The following ACYP2 variants were observed in gnomAD, a reference collection of about 807,000 sequenced individuals.
ACYP2 encodes acylphosphatase-2.
ACYP2 carries 12 observed loss-of-function variants against 11.2 expected under a neutral mutation model. That is an observed-to-expected ratio of 1.08 (90% CI 0.69 to 1.74). The LOEUF (loss-of-function observed/expected upper bound fraction) is 1.74, where lower values mean the gene tolerates loss of function less well. Ranked by LOEUF, ACYP2 falls within the 40% of genes most tolerant of loss-of-function variation. The pLI, the probability that ACYP2 is intolerant of heterozygous loss-of-function variation, is 0.00. For synonymous variants in ACYP2, 43 were observed against 32.2 expected (o/e 1.33, Z -1.13); for missense variants, 134 against 101.9 (o/e 1.31, Z -1.35).
rs949739435 is a variant in ACYP2, at chr2:53,971,250, G to T, written c.-108G>T. ...AGGCCGAATTCCAAGCTATTGTCCT[G>T]CTTCGCCGGGGGTCGCGCACTCCAA... is the stretch of plus-strand genomic sequence containing the variant. On this transcript the variant is annotated 5_prime_UTR_variant, in exon 1 of 7. Transcript: ENST00000607452. 2.0e-4 allele frequency: 31 copies of T among 154,762 alleles called. No homozygotes were observed. Among genetic ancestry groups the T allele is most frequent in the South Asian group, 1.8e-3 (9 of 4,956 alleles). The allele number at this position is 154,762 out of a possible 1,614,324, so 9.6% of individuals were successfully genotyped here. A position where few individuals can be genotyped will look rare whatever the true frequency, so the allele number is the denominator to read the frequency against.
chr2:53,993,527 A>G (rs924435871), intron 2 of ACYP2, among the ~76,000 whole-genome samples: 2 of 151,410 alleles, frequency 1.3e-5, no homozygotes, highest in African/African-American at 4.9e-5. Flanking sequence ...GCGAAACCCC[A>G]TCTCTACTAA....
At chr2:54,281,778 C>T (rs1380336670) in intron 6 of ACYP2, among the ~76,000 whole-genome samples, 1 of 152,148 alleles carries the variant, frequency 6.6e-6, no homozygotes, top group Non-Finnish European at 1.5e-5. Flanking sequence ...CAGATTGTAG[C>T]AACATAGATC....
At chr2:54,007,972 C>A (rs1673167064) in intron 2 of ACYP2, among the ~76,000 whole-genome samples, 1 of 152,128 alleles carries the variant, frequency 6.6e-6, no homozygotes, top group Non-Finnish European at 1.5e-5. Flanking sequence ...AAATTCTTCC[C>A]AAAGTTAGCT....
chr2:54,181,163 C>A (rs146272967), intron 6 of ACYP2, among the ~76,000 whole-genome samples: 1 of 152,168 alleles, frequency 6.6e-6, no homozygotes, highest in Admixed American at 6.6e-5. Context: ...AAATTACCCA[C>A]TCTCATACCA....
At chr2:54,265,857 G>C (rs959077441) in intron 6 of ACYP2, among the ~76,000 whole-genome samples, 1 of 152,170 alleles carries the variant, frequency 6.6e-6, no homozygotes, top group Non-Finnish European at 1.5e-5. Context: ...TCTAAAGAGC[G>C]AAGCTTAGCA....
At chr2:54,029,772 G>A in intron 2 of ACYP2, 1 of 593,618 alleles carries the variant, frequency 1.7e-6, no homozygotes, top group Non-Finnish European at 3.2e-6. Flanking sequence ...AACATTGTAG[G>A]CTCTTCCAGT....
intron 4 of ACYP2, among the ~76,000 whole-genome samples, chr2:54,122,405 T>C (rs1680212856): frequency 6.6e-6 from 1 of 152,180 alleles, no homozygotes; most frequent in Non-Finnish European, 1.5e-5. Flanking sequence ...GCTGGAGTCT[T>C]TTATCACCAA....
chr2:54,155,265 CT>C (rs1682376858), intron 6 of ACYP2, among the ~76,000 whole-genome samples: 1 of 151,690 alleles, frequency 6.6e-6, no homozygotes, highest in Non-Finnish European at 1.5e-5. Flanking sequence ...ATTGATTTTT[CT>C]TCTATTGTTT....
At chr2:54,179,989 G>A (rs189354435) in intron 6 of ACYP2, among the ~76,000 whole-genome samples, 3 of 152,204 alleles carry the variant, frequency 2.0e-5, no homozygotes, top group Admixed American at 1.3e-4. Flanking sequence ...TCGGCCTCTG[G>A]AACTTCTGAC....
chr2:54,069,209 G>A (rs926464843), intron 4 of ACYP2, among the ~76,000 whole-genome samples: 3 of 152,134 alleles, frequency 2.0e-5, no homozygotes, highest in African/African-American at 7.2e-5. Context: ...GGGATTACAG[G>A]TGTCAGCCAC....
In ACYP2 at chr2:54,041,679, C is replaced by T. The variant is rs114556739; in HGVS notation, c.63-9279C>T. Among the ~76,000 whole-genome samples, 814 of 152,272 alleles carry T rather than the reference C, an allele frequency of 5.3e-3. 8 individuals carry two copies. The highest frequency in any genetic ancestry group is 0.018 in the African/African-American group (730 of 41,548). ...TTTATTCAAGTGAGTATCTCAGTGT[C>T]AGAGGCGGCAAGGGAGCTGAGGGTA... On this transcript the variant is annotated intron_variant, in intron 2 of 6. Transcript: ENST00000607452.
At chr2:54,006,291 G>A (rs1170989479) in intron 2 of ACYP2, among the ~76,000 whole-genome samples, 1 of 152,104 alleles carries the variant, frequency 6.6e-6, no homozygotes, top group Non-Finnish European at 1.5e-5. Context: ...GGGATTACAG[G>A]GTCCTGCTAC....
At chr2:54,288,067 A>C (rs975806744) in intron 6 of ACYP2, among the ~76,000 whole-genome samples, 2 of 151,926 alleles carry the variant, frequency 1.3e-5, no homozygotes, top group Non-Finnish European at 2.9e-5. Context: ...TGTAGCCACA[A>C]TTTAGAGAGG....
chr2:54,186,261 CAA>C (rs978176151), intron 6 of ACYP2, among the ~76,000 whole-genome samples: 3 of 151,898 alleles, frequency 2.0e-5, no homozygotes, highest in Non-Finnish European at 2.9e-5. Context: ...TTTAGAAAAA[CAA>C]GAGGAGAAAA....
intron 6 of ACYP2, among the ~76,000 whole-genome samples, chr2:54,139,208 A>C (rs1017879086): frequency 6.6e-6 from 1 of 152,200 alleles, no homozygotes; most frequent in African/African-American, 2.4e-5. Flanking sequence ...CCAGGGCCCA[A>C]GTAATTCTCA....
chr2:54,195,836 C>T (rs1193991910), intron 6 of ACYP2, among the ~76,000 whole-genome samples: 14 of 88,558 alleles, frequency 1.6e-4, no homozygotes, highest in African/African-American at 4.6e-4. Flanking sequence ...TTTGTTCCAT[C>T]GCCTAGGCTA....
chr2:54,235,627 G>T (rs1354633318), intron 6 of ACYP2, among the ~76,000 whole-genome samples: 1 of 152,192 alleles, frequency 6.6e-6, no homozygotes, highest in Non-Finnish European at 1.5e-5. Context: ...TGGGATTACA[G>T]GCGTGAGCCA....
chr2:54,280,664 A>T (rs950278594), intron 6 of ACYP2, among the ~76,000 whole-genome samples: 4 of 152,200 alleles, frequency 2.6e-5, no homozygotes, highest in African/African-American at 4.8e-5. Context: ...AAGATGGCAA[A>T]ACAATATATG....
chr2:54,025,691 ACAT>A (rs1238010329), intron 2 of ACYP2, among the ~76,000 whole-genome samples: 1 of 152,238 alleles, frequency 6.6e-6, no homozygotes, highest in Non-Finnish European at 1.5e-5. Flanking sequence ...TTAGTCTAAG[ACAT>A]CATGACTAAG....
Sources: allele counts gnomAD v4.1 joint callset (sites outside exome capture counted in the v4.1 genomes callset), GRCh38; gene constraint gnomAD v4.1.1; transcripts MANE v1.5; gene names NCBI Gene and HGNC (gene_info 2026-07-23, HGNC 2026-07-21).